The following UPF1 variants were observed in gnomAD, a reference collection of about 807,000 sequenced individuals.
UPF1 encodes the protein UPF1 RNA helicase and ATPase.
Under a neutral mutation model 129.2 loss-of-function variants are expected in UPF1, and 9 were observed. The observed-to-expected ratio is 0.07, with a 90% CI of 0.04 to 0.12. UPF1 has a LOEUF of 0.12. Among genes scored for constraint, UPF1 ranks in the 10% least tolerant of loss-of-function variants. UPF1 has a pLI of 1.00. For missense variants in UPF1, 788 were observed against 1,525.3 expected, an observed-to-expected ratio of 0.52 and a Z score of 8.05; for synonymous variants, 649 against 644.9, an observed-to-expected ratio of 1.01 and a Z score of -0.10.
chr19:18,855,385 CTA>C (rs1319120826), intron 11 of UPF1, 143 bp downstream of exon 11: 8 of 841,040 alleles, frequency 9.5e-6, no homozygotes, highest in African/African-American at 6.9e-5. Flanking sequence ...CTACCGCTCT[CTA>C]TGTGACATTA....
At chr19:18,835,979 C>T (rs1040817885) in intron 1 of UPF1, among the ~76,000 whole-genome samples, 11 of 152,166 alleles carry the variant, frequency 7.2e-5, no homozygotes, top group Non-Finnish European at 8.8e-5. Flanking sequence ...GTGTCCCCAC[C>T]GGGATGGGAA....
intron 19 of UPF1, 46 bp from the exon 20 acceptor site, chr19:18,864,123 TC>T (rs1568283940): frequency 6.4e-7 from 1 of 1,574,514 alleles, no homozygotes; most frequent in Admixed American, 1.7e-5. Context: ...GGGAAGTTGT[TC>T]CTTCTGTTGA....
rs1172453616 is a variant in UPF1 at position 18,846,027 on chromosome 19, A to C, written c.279A>C (p.Val93=). 6.2e-7 allele frequency: 1 copy of C among 1,614,180 alleles called. No homozygotes were observed. The highest frequency in any genetic ancestry group is 1.3e-5 in the African/African-American group (1 of 75,054). The change falls in exon 2 of 24, where the codon GTA becomes GTC. Residue 93 remains valine, a synonymous_variant. Coordinates refer to ENST00000262803, the MANE Select transcript of UPF1 (RefSeq NM_002911.4). ...ILQNGAVDDS[V]AKTSQLLAEL... ...AGAACGGGGCTGTGGACGACAGTGTAGCCAAGACCAGCCAGTTGTTGGCTG... is the reference window on the plus strand; with the variant it reads ...AGAACGGGGCTGTGGACGACAGTGTCGCCAAGACCAGCCAGTTGTTGGCTG...
At chr19:18,861,030 T>C in intron 17 of UPF1, 48 bp downstream of exon 17, 1 of 1,524,544 alleles carries the variant, frequency 6.6e-7, no homozygotes, top group South Asian at 1.2e-5. Flanking sequence ...CATGCAAGGG[T>C]ATTGACCCTT....
intron 2 of UPF1, 146 bp from the exon 3 acceptor site, chr19:18,847,598 T>G (rs540960679): frequency 4.2e-6 from 3 of 716,602 alleles, no homozygotes; most frequent in East Asian, 5.5e-5. Flanking sequence ...TTAACTGGTT[T>G]GATTTGGTTA....
chr19:18,849,623 G>C (rs1348029273), intron 3 of UPF1, among the ~76,000 whole-genome samples: 1 of 152,148 alleles, frequency 6.6e-6, no homozygotes, highest in Admixed American at 6.5e-5. Flanking sequence ...AAAGCAGGAG[G>C]GACTGTTGCT....
chr19:18,861,145 C>T (rs1488551123), intron 17 of UPF1, among the ~76,000 whole-genome samples, 163 bp downstream of exon 17: 2 of 152,244 alleles, frequency 1.3e-5, no homozygotes, highest in African/African-American at 4.8e-5. Context: ...GACAGCACAT[C>T]CCCACAGACC....
chr19:18,863,277 C>T, intron 18 of UPF1, 161 bp from the exon 19 acceptor site: 2 of 924,000 alleles, frequency 2.2e-6, no homozygotes, highest in South Asian at 3.3e-5. Context: ...TGGCATTGGG[C>T]TTTGGGGCCT....
chr19:18,847,795 G>A lies in UPF1; in HGVS notation c.423G>A (p.Lys141=). The A allele has an allele frequency of 1.2e-6, 2 of 1,614,244 alleles. No homozygotes were observed. The highest frequency in any genetic ancestry group is 2.7e-5 in the African/African-American group (2 of 75,068). ...GCGTGGTTTACTGTAATACCAGCAA[G>A]AAGTGGTTCTGCAACGGACGTGGAA... ...PACVVYCNTS[K]KWFCNGRGNT... is the part of the protein sequence containing the mutation. Residue 141 remains lysine, a synonymous_variant, in exon 3 of 24, where the codon AAG becomes AAA. Transcript: ENST00000262803.
chr19:18,851,665 G>C lies in UPF1; in HGVS notation c.811-470G>C, dbSNP rs112188409. On this transcript the variant is annotated intron_variant, in intron 5 of 23. Coordinates refer to ENST00000262803, the MANE Select transcript of UPF1 (RefSeq NM_002911.4). This position sits in a 1 kb window ranked among gnomAD's most constrained non-coding sequence, Gnocchi z 4.2. ...GCGGGCCCATGTTGGTCTGGCTCAG[G>C]GTTAGCAGACGTGGGAGACAGGCCT... Among the ~76,000 whole-genome samples, 17 of 152,354 alleles carry C rather than the reference G, an allele frequency of 1.1e-4. No homozygotes were observed. The highest frequency in any genetic ancestry group is 4.1e-4 in the African/African-American group (17 of 41,584).
At position 18,855,011 on chromosome 19, in the gene UPF1, G is replaced by C. The variant is rs2055700854; in HGVS notation, c.1398G>C (p.Gln466His). The C allele has an allele frequency of 6.2e-7, 1 of 1,613,930 alleles. No homozygotes were observed. Among genetic ancestry groups the C allele is most frequent in the East Asian group, 2.2e-5 (1 of 44,896 alleles). ...AGCTGCCCAAGCGCTTCACGGCGCA[G>C]GGCCTCCCCGACCTCAACCACTCCC... ...KCQLPKRFTA[Q>H]GLPDLNHSQV... Residue 466 changes from glutamine (Q) to histidine (H), a missense_variant, in exon 10 of 24, where the codon CAG becomes CAC. By Grantham distance (24) the Gln-to-His change is conservative. Transcript: ENST00000262803.
At position 18,860,792 on chromosome 19, in the gene UPF1, G is replaced by T. The variant is rs747816412; in HGVS notation, c.2301-34G>T. 1.4e-5 allele frequency: 22 copies of T among 1,609,882 alleles called. No individual in the cohort carries two copies. The South Asian group carries it at 1.5e-4, about 11-fold the overall frequency. ...AGCCTCAGGGCTCGGGATCCCACAG[G>T]TGGAGCCCAGCACTGACAGCCTGGG... On this transcript the variant is annotated intron_variant, in intron 16 of 23. Coordinates refer to ENST00000262803, the MANE Select transcript of UPF1 (RefSeq NM_002911.4).
Position 18,846,002 on chromosome 19 carries a change from A to C in UPF1, c.254A>C (p.Gln85Pro). The change falls in exon 2 of 24, where the codon CAG becomes CCG. Residue 85 changes from glutamine to proline, a missense_variant. Transcript: ENST00000262803. ...CAGGTTGGGCCCGAAGGCATCCTGC[A>C]GAACGGGGCTGTGGACGACAGTGTA... Reference protein sequence around the residue: ...DAQVGPEGILQNGAVDDSVAK... With the variant: ...DAQVGPEGILPNGAVDDSVAK... 2 of 1,614,144 alleles carry C rather than the reference A, an allele frequency of 1.2e-6. No individual in the cohort carries two copies.
At chr19:18,847,092 G>A (rs1175409156) in intron 2 of UPF1, among the ~76,000 whole-genome samples, 4 of 152,048 alleles carry the variant, frequency 2.6e-5, no homozygotes, top group African/African-American at 7.2e-5. Context: ...GCTGCTCTTC[G>A]CTAGGCTTGG....
chr19:18,840,042 C>T (rs1465123749), intron 1 of UPF1, among the ~76,000 whole-genome samples: 3 of 152,014 alleles, frequency 2.0e-5, no homozygotes, highest in Non-Finnish European at 4.4e-5. Context: ...TGTCCTGGAG[C>T]CTTTAGGAGC....
chr19:18,848,789 C>A (rs2055627072), intron 3 of UPF1, among the ~76,000 whole-genome samples: 1 of 152,200 alleles, frequency 6.6e-6, no homozygotes, highest in Non-Finnish European at 1.5e-5. Flanking sequence ...AGAAGGGTAT[C>A]TTCTGGATAA....
Position 18,855,870 on chromosome 19 carries a change from T to A in UPF1, c.1545-55T>A, listed in dbSNP as rs2055711484. 2.5e-6 allele frequency: 4 copies of A among 1,593,298 alleles called. No individual in the cohort carries two copies. The East Asian group carries it at 9.0e-5, about 36-fold the overall frequency. On this transcript the variant is annotated intron_variant, in intron 11 of 23. Coordinates refer to ENST00000262803, the MANE Select transcript of UPF1 (RefSeq NM_002911.4). ...CTCAAAAAACAGAGTCTTGGCTTAC[T>A]ACGTTCACCGAGCTTCCTCTGGGTA...
In UPF1 at chr19:18,832,009, C is replaced by G. The variant is rs575461697; in HGVS notation, c.-201C>G. The G allele has an allele frequency of 2.8e-6, 1 of 352,178 alleles. No individual in the cohort carries two copies. The highest frequency in any genetic ancestry group is 4.9e-6 in the Non-Finnish European group (1 of 204,066). The allele number at this position is 352,178 out of a possible 1,614,324, so 21.8% of individuals were successfully genotyped here. Reference sequence around the variant, plus strand: ...CTGGCGGCTTCGAGGGGAGCTGAGGCGCGGAGGGGCTCGGCGGCAGCGGCG... The same window carrying G: ...CTGGCGGCTTCGAGGGGAGCTGAGGGGCGGAGGGGCTCGGCGGCAGCGGCG... On this transcript the variant is annotated 5_prime_UTR_variant, in exon 1 of 24. Transcript: ENST00000262803. The surrounding 1 kb of genome is among the most constrained non-coding windows in gnomAD (Gnocchi z 5.6).
chr19:18,835,669 A>G (rs1470296199), intron 1 of UPF1, among the ~76,000 whole-genome samples: 1 of 152,152 alleles, frequency 6.6e-6, no homozygotes, highest in Non-Finnish European at 1.5e-5. Flanking sequence ...AGGCTGAGTA[A>G]TATTCCATGG....
Sources: gnomAD v4.1 joint callset for allele counts (sites outside exome capture counted in the v4.1 genomes callset) on GRCh38, gnomAD v4.1.1 for gene constraint, Gnocchi (gnomAD v3.1) non-coding constraint, MANE v1.5 for transcripts, NCBI Gene and HGNC (gene_info 2026-07-23, HGNC 2026-07-21) for gene names.